Variants in GLT1D1 observed in about 807,000 individuals in gnomAD.
The protein encoded by GLT1D1 is glycosyltransferase 1 domain containing 1.
A neutral mutation model predicts 28.7 loss-of-function variants in GLT1D1; 21 were observed. The ratio of observed to expected loss-of-function variants is 0.73; its 90% CI spans 0.52 to 1.05. The LOEUF (loss-of-function observed/expected upper bound fraction) is 1.05. GLT1D1 is among the 50% of genes least tolerant of loss of function. GLT1D1 has a pLI of 0.00. For synonymous variants in GLT1D1, 147 were observed against 124.8 expected (o/e 1.18, Z -1.19); for missense variants, 343 against 330.6 (o/e 1.04, Z -0.29).
At chr12:128,960,970 C>A (rs1031638644) in intron 7 of GLT1D1, among the ~76,000 whole-genome samples, 1 of 151,928 alleles carries the variant, frequency 6.6e-6, no homozygotes, top group African/African-American at 2.4e-5. Flanking sequence ...TAAAGAAACC[C>A]GATATAAAAA....
At chr12:128,927,999 CAAAAAAAA>C (rs938188484) in intron 4 of GLT1D1, among the ~76,000 whole-genome samples, 2 of 42,262 alleles carry the variant, frequency 4.7e-5, no homozygotes, top group Non-Finnish European at 7.4e-5. Context: ...GACTCTGTCT[CAAAAAAAA>C]AAAAAAAAAA....
intron 4 of GLT1D1, among the ~76,000 whole-genome samples, chr12:128,914,267 AT>A (rs1871858839): frequency 6.6e-6 from 1 of 152,180 alleles, no homozygotes; most frequent in East Asian, 1.9e-4. Flanking sequence ...GGGAGGTATA[AT>A]TTTCACATGG....
At chr12:128,945,462 T>C (rs1875947900) in intron 5 of GLT1D1, 93 bp downstream of exon 9, 6 of 1,029,606 alleles carry the variant, frequency 5.8e-6, no homozygotes, top group Non-Finnish European at 7.7e-6. Flanking sequence ...TCCCAGGCAC[T>C]ATTCCAAGCA....
chr12:128,977,118 C>T (rs1425188847), intron 7 of GLT1D1, among the ~76,000 whole-genome samples: 2 of 152,196 alleles, frequency 1.3e-5, no homozygotes, highest in East Asian at 3.9e-4. Flanking sequence ...TGCACTCCAG[C>T]CTGGGCGACA....
At chr12:128,915,798 C>G (rs1215007703) in intron 4 of GLT1D1, among the ~76,000 whole-genome samples, 3 of 152,240 alleles carry the variant, frequency 2.0e-5, no homozygotes, top group African/African-American at 7.2e-5. Context: ...GCTTCACTTA[C>G]TACTCTAACC....
chr12:128,862,328 CAAAAAAA>C (rs34391238), intron 1 of GLT1D1, among the ~76,000 whole-genome samples: 1 of 88,054 alleles, frequency 1.1e-5, no homozygotes, highest in African/African-American at 5.3e-5. Flanking sequence ...GACTCTGTCT[CAAAAAAA>C]AAAAAAAAAA....
chr12:128,952,717 C>T (rs1271799989), intron 6 of GLT1D1, among the ~76,000 whole-genome samples: 16 of 149,806 alleles, frequency 1.1e-4, no homozygotes, highest in Admixed American at 8.6e-4. Context: ...TCAGGTGAGC[C>T]GCCTGCCTCG....
intron 4 of GLT1D1, among the ~76,000 whole-genome samples, chr12:128,918,694 A>G (rs1298056721): frequency 5.9e-5 from 9 of 152,218 alleles, no homozygotes. Flanking sequence ...AGTTACATGT[A>G]CCATTATTCA....
intron 1 of GLT1D1, chr12:128,864,083 G>C: frequency 1.6e-6 from 1 of 630,448 alleles, no homozygotes; most frequent in East Asian, 2.9e-5. Context: ...TGCACTGTGG[G>C]CAGGTCCCTG....
intron 7 of GLT1D1, among the ~76,000 whole-genome samples, chr12:128,972,482 G>A (rs192061866): frequency 7.9e-5 from 12 of 151,764 alleles, no homozygotes; most frequent in Admixed American, 2.6e-4. Flanking sequence ...GGGAAGAACC[G>A]GGGAGCAACT....
intron 5 of GLT1D1, 56 bp from the exon 10 acceptor site, chr12:128,947,282 C>A: frequency 6.2e-7 from 1 of 1,609,514 alleles, no homozygotes; most frequent in Non-Finnish European, 8.5e-7. Flanking sequence ...CTCCTCCCAG[C>A]TGCCTACCCA....
At chr12:128,889,913 T>C (rs891717006) in intron 3 of GLT1D1, among the ~76,000 whole-genome samples, 2 of 152,326 alleles carry the variant, frequency 1.3e-5, no homozygotes, top group Middle Eastern at 6.8e-3. Flanking sequence ...TAACTGGGAT[T>C]ATGGGCGCCT....
At chr12:128,902,779 C>T (rs1290695309) in intron 4 of GLT1D1, among the ~76,000 whole-genome samples, 3 of 151,346 alleles carry the variant, frequency 2.0e-5, no homozygotes, top group African/African-American at 4.9e-5. Flanking sequence ...CGCAGTGGCT[C>T]AACCTGTAAT....
At chr12:128,858,835 C>T (rs1478269283) in intron 1 of GLT1D1, among the ~76,000 whole-genome samples, 3 of 151,742 alleles carry the variant, frequency 2.0e-5, no homozygotes, top group Admixed American at 6.6e-5. Context: ...TTCAAAGGAA[C>T]GTTGGTCTCC....
intron 7 of GLT1D1, among the ~76,000 whole-genome samples, chr12:128,975,284 A>G (rs1879659390): frequency 6.6e-6 from 1 of 152,116 alleles, no homozygotes; most frequent in Admixed American, 6.5e-5. Flanking sequence ...GGGGAAGTCA[A>G]GCATCGTGAG....
chr12:128,929,886 G>A (rs1873682993), intron 4 of GLT1D1, among the ~76,000 whole-genome samples: 1 of 152,222 alleles, frequency 6.6e-6, no homozygotes, highest in African/African-American at 2.4e-5. Flanking sequence ...TGAGGCACGA[G>A]AATCACTTGA....
chr12:128,957,085 A>C (rs980890183), intron 6 of GLT1D1, among the ~76,000 whole-genome samples: 4 of 152,218 alleles, frequency 2.6e-5, no homozygotes, highest in African/African-American at 9.6e-5. Flanking sequence ...AATAATCAGA[A>C]TGATAAATCA....
At chr12:128,882,421 C>T (rs964175983) in intron 2 of GLT1D1, among the ~76,000 whole-genome samples, 5 of 151,668 alleles carry the variant, frequency 3.3e-5, no homozygotes, top group South Asian at 2.1e-4. Flanking sequence ...GGATTATAGG[C>T]GCCCACCACC....
At chr12:128,974,300 A>G (rs1879550435) in intron 7 of GLT1D1, among the ~76,000 whole-genome samples, 2 of 152,098 alleles carry the variant, frequency 1.3e-5, no homozygotes, top group African/African-American at 4.8e-5. Context: ...CCCGGCTCAC[A>G]GATGGCAAGG....
Sources: gnomAD v4.1 joint callset for allele counts (sites outside exome capture counted in the v4.1 genomes callset) on GRCh38, gnomAD v4.1.1 for gene constraint, MANE v1.5 for transcripts, NCBI Gene and HGNC (gene_info 2026-07-23, HGNC 2026-07-21) for gene names.